The following POLI variants were observed in gnomAD, a reference collection of about 807,000 sequenced individuals.
POLI encodes RAD30 homolog B.
In POLI, 58 loss-of-function variants were observed where a neutral mutation model predicts 51.6. The ratio of observed to expected loss-of-function variants is 1.12; its 90% CI spans 0.91 to 1.40. The LOEUF (loss-of-function observed/expected upper bound fraction) is 1.40. Ranked by LOEUF, POLI falls within the 40% of genes most tolerant of loss-of-function variation. The pLI is 0.00. For synonymous variants in POLI, 322 were observed against 299.7 expected, an observed-to-expected ratio of 1.07 and a Z score of -0.77; for missense variants, 921 against 871.3, an observed-to-expected ratio of 1.06 and a Z score of -0.72.
chr18:54,293,537 T>A lies in POLI; in HGVS notation c.1405-112T>A. On this transcript the variant is annotated intron_variant, in intron 9 of 9. Transcript: ENST00000579534. Reference sequence around the variant, plus strand: ...TTGGAACTGGCCACAAAGAGTTGTATTTGTTGAGTAGGTTAGAAACATGTC... The same window carrying A: ...TTGGAACTGGCCACAAAGAGTTGTAATTGTTGAGTAGGTTAGAAACATGTC... The A allele has an allele frequency of 8.6e-6, 6 of 701,348 alleles. No homozygotes were observed. In the South Asian group the frequency reaches 1.3e-4, roughly 15 times the overall value. The allele number at this position is 701,348 out of a possible 1,614,324, so 43.4% of individuals were successfully genotyped here. A position where few individuals can be genotyped will look rare whatever the true frequency, so the allele number is the denominator to read the frequency against.
intron 3 of POLI, among the ~76,000 whole-genome samples, chr18:54,304,150 C>G (rs1398312185): frequency 6.6e-6 from 1 of 152,088 alleles, no homozygotes; most frequent in Admixed American, 6.5e-5. Context: ...TTTCTTAATC[C>G]AGTCTATCAT....
chr18:54,292,107 A>G (rs2088047743), intron 9 of POLI, 69 bp downstream of exon 9: 6 of 922,822 alleles, frequency 6.5e-6, no homozygotes, highest in Non-Finnish European at 1.0e-5. Flanking sequence ...TACATTACAA[A>G]TCTAAGTGCT....
In POLI at chr18:54,295,298, A is replaced by G; in HGVS notation, c.*831A>G. On this transcript the variant is annotated 3_prime_UTR_variant, in exon 10 of 10. Transcript: ENST00000579534. ...TTTTGTATCTTCCCTACATTTGGAG[A>G]TGATATTAGGTTGTCATAACAACCA... is the stretch of plus-strand genomic sequence containing the variant. 1 of 984,654 alleles carries G rather than the reference A, an allele frequency of 1.0e-6. No homozygotes were observed. Among genetic ancestry groups the G allele is most frequent in the Non-Finnish European group, 1.2e-6 (1 of 829,196 alleles). 61.0% of individuals were successfully genotyped at this position (984,654 alleles called of 1,614,324 possible).
chr18:54,295,986 G>A lies in POLI; in HGVS notation c.*1519G>A, dbSNP rs954068411. ...TTGGAATTTGAAAATATGCTAACAC[G>A]AAGGATTGTAAATAGGTAGTTTGAG... On this transcript the variant is annotated 3_prime_UTR_variant, in exon 10 of 10. Transcript: ENST00000579534. 4 of 985,058 alleles carry A rather than the reference G, an allele frequency of 4.1e-6. No homozygotes were observed. Among genetic ancestry groups the A allele is most frequent in the Non-Finnish European group, 3.6e-6 (3 of 829,686 alleles). The allele number at this position is 985,058 out of a possible 1,614,324, so 61.0% of individuals were successfully genotyped here. A position where few individuals can be genotyped will look rare whatever the true frequency, so the allele number is the denominator to read the frequency against.
chr18:54,287,199 C>G lies in POLI; in HGVS notation c.1068-82C>G. On this transcript the variant is annotated intron_variant, in intron 7 of 9. Coordinates refer to ENST00000579534, the MANE Select transcript of POLI (RefSeq NM_007195.3). ...TTGTCATATTTAACAAAATCTGGCA[C>G]CTTTAGATAAATGAGATGTTACATA... 8 of 1,009,124 alleles carry G rather than the reference C, an allele frequency of 7.9e-6. No homozygotes were observed. The South Asian group carries it at 9.5e-5, about 12-fold the overall frequency. The allele number at this position is 1,009,124 out of a possible 1,614,324, so 62.5% of individuals were successfully genotyped here. A position where few individuals can be genotyped will look rare whatever the true frequency, so the allele number is the denominator to read the frequency against.
chr18:54,295,852 T>C lies in POLI; in HGVS notation c.*1385T>C. ...CATATTGGCCAGGCTGGTCTCGAACTCCTGGTCTCAGGTGATCCTCCACCT... is the reference window on the plus strand; with the variant it reads ...CATATTGGCCAGGCTGGTCTCGAACCCCTGGTCTCAGGTGATCCTCCACCT... On this transcript the variant is annotated 3_prime_UTR_variant, in exon 10 of 10. Transcript: ENST00000579534. The C allele has an allele frequency of 2.0e-6, 1 of 496,764 alleles. No homozygotes were observed. The highest frequency in any genetic ancestry group is 2.1e-5 in the African/African-American group (1 of 47,776). The allele number at this position is 496,764 out of a possible 1,614,324, so 30.8% of individuals were successfully genotyped here.
chr18:54,283,903 A>T lies in POLI; in HGVS notation c.976-19A>T. ...GTTATTTGAGTTTGTGCTAATCCTT[A>T]TTTATGCTTCTTTGATAGTCCTTTA... On this transcript the variant is annotated intron_variant, in intron 6 of 9. Transcript: ENST00000579534. 4 of 942,574 alleles carry T rather than the reference A, an allele frequency of 4.2e-6. No individual in the cohort carries two copies. Among genetic ancestry groups the T allele is most frequent in the Non-Finnish European group, 6.6e-6 (4 of 602,808 alleles). 58.4% of individuals were successfully genotyped at this position (942,574 alleles called of 1,614,324 possible).
intron 3 of POLI, among the ~76,000 whole-genome samples, chr18:54,309,536 G>A (rs771687242): frequency 7.9e-5 from 12 of 152,174 alleles, no homozygotes; most frequent in Non-Finnish European, 1.2e-4. Flanking sequence ...GTTAGGCTAC[G>A]TGGGTGTCAG....
At chr18:54,290,793 C>T (rs896843454) in intron 8 of POLI, among the ~76,000 whole-genome samples, 13 of 152,038 alleles carry the variant, frequency 8.6e-5, no homozygotes, top group African/African-American at 3.1e-4. Context: ...GACACATGGA[C>T]ACAGGGAGGA....
In POLI at chr18:54,277,715, A is replaced by T; in HGVS notation, c.419A>T (p.Glu140Val). The T allele has an allele frequency of 6.3e-7, 1 of 1,593,718 alleles. No individual in the cohort carries two copies. The highest frequency in any genetic ancestry group is 8.6e-7 in the Non-Finnish European group (1 of 1,166,270). The change falls in exon 4 of 10, where the codon GAA becomes GTA. Residue 140 changes from glutamate to valine, a missense_variant. Transcript: ENST00000579534. ...TATTTCAATTTAGAATTACTGGAAGAATTTAGTCCAGTTGTTGAGAGACTT... is the reference window on the plus strand; with the variant it reads ...TATTTCAATTTAGAATTACTGGAAGTATTTAGTCCAGTTGTTGAGAGACTT... ...MSYKVTELLE[E>V]FSPVVERLGF...
chr18:54,318,649 C>T (rs1336432580), intron 3 of POLI, among the ~76,000 whole-genome samples: 3 of 152,166 alleles, frequency 2.0e-5, no homozygotes, highest in African/African-American at 7.2e-5. Flanking sequence ...AAAAGTATAT[C>T]TGCTTAACTG....
chr18:54,320,305 C>G (rs2088776392), exon 4 of POLI: 2 of 152,140 alleles, frequency 1.3e-5, no homozygotes, highest in Non-Finnish European at 2.9e-5. Flanking sequence ...TGCATCCTCT[C>G]TCATGCAAAG....
At chr18:54,314,027 G>T (rs1046297448) in intron 3 of POLI, among the ~76,000 whole-genome samples, 3 of 152,080 alleles carry the variant, frequency 2.0e-5, no homozygotes, top group Admixed American at 6.6e-5. Flanking sequence ...GCCTTGTTCT[G>T]ATTTTCAAAG....
intron 3 of POLI, among the ~76,000 whole-genome samples, chr18:54,304,039 G>C (rs140637007): frequency 0.25 from 38,174 of 151,694 alleles, 5,021 homozygotes; most frequent in Middle Eastern, 0.3. Context: ...GCGACAGTTT[G>C]CTGAGAATGA....
intron 3 of POLI, among the ~76,000 whole-genome samples, chr18:54,308,324 T>C (rs1258724054): frequency 1.3e-5 from 2 of 152,204 alleles, no homozygotes; most frequent in African/African-American, 4.8e-5. Context: ...AGGATTTTAT[T>C]TCTCCTTCAC....
At chr18:54,288,847 G>C (rs1196100020) in intron 8 of POLI, among the ~76,000 whole-genome samples, 2 of 151,628 alleles carry the variant, frequency 1.3e-5, no homozygotes, top group Non-Finnish European at 2.9e-5. Context: ...TTTTTTTGTA[G>C]TCATTATATT....
In POLI at chr18:54,269,591, CG is replaced by C; in HGVS notation, c.46del (p.Asp16ThrfsTer40). On this transcript the variant is annotated frameshift_variant, in exon 1 of 10. Coordinates refer to ENST00000579534, the MANE Select transcript of POLI (RefSeq NM_007195.3). LOFTEE classifies it high-confidence loss of function. ...VEPEEEGGGD[D>X]DEEDAEAWAM... ...AGCCGGAGGAGGAAGGCGGCGGCGA[CG>C]ACGACGAGGAAGACGCCGAGGCCTG... 8.9e-6 allele frequency: 12 copies of C among 1,355,448 alleles called. No individual in the cohort carries two copies. Among genetic ancestry groups the C allele is most frequent in the Non-Finnish European group, 1.1e-5 (12 of 1,064,772 alleles). 84.0% of individuals were successfully genotyped at this position (1,355,448 alleles called of 1,614,324 possible). A position where few individuals can be genotyped will look rare whatever the true frequency, so the allele number is the denominator to read the frequency against.
At position 54,295,599 on chromosome 18, in the gene POLI, A is replaced by G. The variant is rs1306964422; in HGVS notation, c.*1132A>G. The G allele has an allele frequency of 5.3e-6, 4 of 759,162 alleles. No individual in the cohort carries two copies. The highest frequency in any genetic ancestry group is 1.9e-5 in the African/African-American group (1 of 52,180). 47.0% of individuals were successfully genotyped at this position (759,162 alleles called of 1,614,324 possible). A position where few individuals can be genotyped will look rare whatever the true frequency, so the allele number is the denominator to read the frequency against. On this transcript the variant is annotated 3_prime_UTR_variant, in exon 10 of 10. Transcript: ENST00000579534. Reference sequence around the variant, plus strand: ...ATGAACCAAAGAGTAGCTTAAAAATACTTTCTTCTAGGTCTGAAATTTTCT... The same window carrying G: ...ATGAACCAAAGAGTAGCTTAAAAATGCTTTCTTCTAGGTCTGAAATTTTCT...
At position 54,269,564 on chromosome 18, in the gene POLI, G is replaced by A. The variant is rs1188605336; in HGVS notation, c.18G>A (p.Val6=). Residue 6 remains valine (V), a synonymous_variant, in exon 1 of 10, where the codon GTG becomes GTA. Coordinates refer to ENST00000579534, the MANE Select transcript of POLI (RefSeq NM_007195.3). Reference sequence around the variant, plus strand: ...GCGGCGGGATGGAGAAGCTGGGGGTGGAGCCGGAGGAGGAAGGCGGCGGCG... The same window carrying A: ...GCGGCGGGATGGAGAAGCTGGGGGTAGAGCCGGAGGAGGAAGGCGGCGGCG... MEKLG[V]EPEEEGGGDD... is the part of the protein sequence containing the mutation. 1 of 1,487,892 alleles carries A rather than the reference G, an allele frequency of 6.7e-7. No individual in the cohort carries two copies. The highest frequency in any genetic ancestry group is 1.7e-5 in the African/African-American group (1 of 57,346). The allele number at this position is 1,487,892 out of a possible 1,614,324, so 92.2% of individuals were successfully genotyped here. A position where few individuals can be genotyped will look rare whatever the true frequency, so the allele number is the denominator to read the frequency against.
Sources: allele counts gnomAD v4.1 joint callset (sites outside exome capture counted in the v4.1 genomes callset), GRCh38; gene constraint gnomAD v4.1.1; transcripts MANE v1.5; gene names NCBI Gene and HGNC (gene_info 2026-07-23, HGNC 2026-07-21).